Variants in CLNK observed in about 807,000 individuals in gnomAD.
The protein encoded by CLNK is cytokine dependent hematopoietic cell linker.
In CLNK, 74 loss-of-function variants were observed where a neutral mutation model predicts 68.6. That is an observed-to-expected ratio of 1.08 (90% CI 0.89 to 1.31). The LOEUF (loss-of-function observed/expected upper bound fraction) is 1.31. Ranked by LOEUF, CLNK falls within the 50% of genes most tolerant of loss-of-function variation. The pLI is 0.00. For synonymous variants in CLNK, 198 were observed against 172.2 expected (o/e 1.15, Z -1.17); for missense variants, 553 against 515.3 (o/e 1.07, Z -0.71).
intron 13 of CLNK, among the ~76,000 whole-genome samples, chr4:10,527,500 C>T (rs1160183797): frequency 6.6e-6 from 1 of 152,198 alleles, no homozygotes; most frequent in African/African-American, 2.4e-5. Context: ...ACTCTTTGGG[C>T]TGTGATGCAG....
the CLNK span, among the ~76,000 whole-genome samples, chr4:10,734,106 T>C: frequency 6.6e-6 from 1 of 152,204 alleles, no homozygotes; most frequent in East Asian, 1.9e-4. Flanking sequence ...AGTCATTATC[T>C]CATTTTTTTC....
intron 1 of CLNK, among the ~76,000 whole-genome samples, chr4:10,668,166 A>T (rs1269684983): frequency 6.6e-6 from 1 of 152,016 alleles, no homozygotes; most frequent in African/African-American, 2.4e-5. Context: ...GCAAACATAA[A>T]CTGAGCCTGG....
intron 2 of CLNK, among the ~76,000 whole-genome samples, chr4:10,652,684 AT>A (rs1182988947): frequency 2.6e-5 from 4 of 152,166 alleles, no homozygotes; most frequent in Non-Finnish European, 5.9e-5. Flanking sequence ...TCATACATGT[AT>A]TTGCAAATAA....
intron 8 of CLNK, among the ~76,000 whole-genome samples, chr4:10,556,438 G>T (rs1364284541): frequency 2.0e-5 from 3 of 152,114 alleles, no homozygotes; most frequent in Admixed American, 6.6e-5. Flanking sequence ...GTGAACTGAG[G>T]CAAAGGGTAG....
chr4:10,688,593 T>C (rs1289637048), upstream of CLNK, among the ~76,000 whole-genome samples: 1 of 152,006 alleles, frequency 6.6e-6, no homozygotes, highest in African/African-American at 2.4e-5. Context: ...TGTAGATGAG[T>C]TATATAACCT....
Position 10,540,382 on chromosome 4 carries a change from C to T in CLNK, c.602+112G>A. On this transcript the variant is annotated intron_variant, in intron 11 of 18. Coordinates refer to ENST00000226951, the MANE Select transcript of CLNK (RefSeq NM_052964.4). Reference sequence around the variant, plus strand: ...TGTCTTTGAATGGACCAATACACTCCCCACCCATTAGGGAGCCTGCTCTGA... The same window carrying T: ...TGTCTTTGAATGGACCAATACACTCTCCACCCATTAGGGAGCCTGCTCTGA... The T allele has an allele frequency of 1.1e-5, 8 of 748,466 alleles. No homozygotes were observed. The South Asian group carries it at 1.3e-4, about 12-fold the overall frequency. The allele number at this position is 748,466 out of a possible 1,614,324, so 46.4% of individuals were successfully genotyped here. A position where few individuals can be genotyped will look rare whatever the true frequency, so the allele number is the denominator to read the frequency against.
At chr4:10,559,146 A>G (rs1719792121) in intron 7 of CLNK, among the ~76,000 whole-genome samples, 1 of 152,242 alleles carries the variant, frequency 6.6e-6, no homozygotes, top group South Asian at 2.1e-4. Flanking sequence ...AAAGGTGAAG[A>G]AGATGAAGAT....
At chr4:10,526,498 A>T (rs1718326901) in intron 13 of CLNK, among the ~76,000 whole-genome samples, 3 of 152,248 alleles carry the variant, frequency 2.0e-5, no homozygotes, top group Non-Finnish European at 4.4e-5. Flanking sequence ...GTATGGCTAA[A>T]AAAGACCTTT....
At chr4:10,498,210 A>C (rs1175786068) in intron 18 of CLNK, among the ~76,000 whole-genome samples, 1 of 147,362 alleles carries the variant, frequency 6.8e-6, no homozygotes, top group African/African-American at 2.5e-5. Context: ...TAAATAAATA[A>C]GCTGGGTGCT....
chr4:10,710,044 A>C, the CLNK span, among the ~76,000 whole-genome samples: 3 of 152,244 alleles, frequency 2.0e-5, no homozygotes, highest in African/African-American at 7.2e-5. Flanking sequence ...GTTAGGCAGC[A>C]TTATTGATAA....
upstream of CLNK, among the ~76,000 whole-genome samples, chr4:10,685,352 C>A (rs1233226531): frequency 6.6e-6 from 1 of 151,980 alleles, no homozygotes; most frequent in Non-Finnish European, 1.5e-5. Context: ...ATATTTCCTT[C>A]ATTGAGGAAA....
Position 10,494,420 on chromosome 4 carries a change from G to C in CLNK, c.1141-3807C>G, listed in dbSNP as rs76146186. 3.6e-3 allele frequency among the ~76,000 whole-genome samples: 539 copies of C among 151,726 alleles called. 23 individuals are homozygous for C. In the East Asian group the frequency reaches 0.087, roughly 24 times the overall value. ...GAAATTGTAACTTTAACAGGTAGTAGGCAGCAAGACAGGTGCAACTAGTCA... is the reference window on the plus strand; with the variant it reads ...GAAATTGTAACTTTAACAGGTAGTACGCAGCAAGACAGGTGCAACTAGTCA... On this transcript the variant is annotated intron_variant, in intron 18 of 18. Coordinates refer to ENST00000226951, the MANE Select transcript of CLNK (RefSeq NM_052964.4).
intron 11 of CLNK, among the ~76,000 whole-genome samples, chr4:10,536,174 A>G (rs1384708455): frequency 1.3e-5 from 2 of 152,214 alleles, no homozygotes; most frequent in Admixed American, 1.3e-4. Flanking sequence ...CTAACTGCCT[A>G]CCATTGATAC....
chr4:10,701,353 TG>T, the CLNK span, among the ~76,000 whole-genome samples: 5 of 152,348 alleles, frequency 3.3e-5, no homozygotes, highest in East Asian at 9.6e-4. Context: ...ATATGTGTCC[TG>T]ACCCCCCTTT....
At chr4:10,729,005 C>T in the CLNK span, among the ~76,000 whole-genome samples, 3 of 152,208 alleles carry the variant, frequency 2.0e-5, no homozygotes, top group African/African-American at 7.2e-5. Flanking sequence ...TCTGTGGAAT[C>T]ATATCTTTTG....
At chr4:10,523,038 A>G (rs998773446) in intron 14 of CLNK, among the ~76,000 whole-genome samples, 1 of 152,220 alleles carries the variant, frequency 6.6e-6, no homozygotes, top group Non-Finnish European at 1.5e-5. Flanking sequence ...CAATATTATT[A>G]GAAGGCTAGT....
At chr4:10,628,623 A>G (rs908224734) in intron 2 of CLNK, among the ~76,000 whole-genome samples, 4 of 152,188 alleles carry the variant, frequency 2.6e-5, no homozygotes, top group Admixed American at 2.6e-4. Context: ...CCCTGGGACG[A>G]ACTGTGCACA....
intron 2 of CLNK, among the ~76,000 whole-genome samples, chr4:10,647,642 G>T (rs149209239): frequency 6.6e-6 from 1 of 152,106 alleles, no homozygotes; most frequent in Non-Finnish European, 1.5e-5. Flanking sequence ...AGTTCAGGGA[G>T]GGAAGTACTC....
upstream of CLNK, among the ~76,000 whole-genome samples, chr4:10,689,636 C>T (rs1725390877): frequency 6.6e-6 from 1 of 151,822 alleles, no homozygotes; most frequent in African/African-American, 2.4e-5. Context: ...AACATAGACC[C>T]TCAAAACACA....
Sources: gnomAD v4.1 joint callset for allele counts (sites outside exome capture counted in the v4.1 genomes callset) on GRCh38, gnomAD v4.1.1 for gene constraint, MANE v1.5 for transcripts, NCBI Gene and HGNC (gene_info 2026-07-23, HGNC 2026-07-21) for gene names.